Variants in KLF13 observed in about 807,000 individuals in gnomAD.
The protein encoded by KLF13 is Krueppel-like factor 13.
A neutral mutation model predicts 16.7 loss-of-function variants in KLF13; 8 were observed. That is an observed-to-expected ratio of 0.48 (90% CI 0.28 to 0.87). The LOEUF (loss-of-function observed/expected upper bound fraction) is 0.87, where lower values mean the gene tolerates loss of function less well. KLF13 is among the 40% of genes least tolerant of loss of function. KLF13 has a pLI of 0.10. For missense variants in KLF13, 447 were observed against 452.2 expected (o/e 0.99, Z 0.10); for synonymous variants, 245 against 208.4 (o/e 1.18, Z -1.51).
chr15:31,342,829 C>T (rs2039050102), intron 1 of KLF13, among the ~76,000 whole-genome samples: 1 of 152,212 alleles, frequency 6.6e-6, no homozygotes, highest in Non-Finnish European at 1.5e-5. Flanking sequence ...TGGGCCTTCG[C>T]ACCCCTTTCC....
At chr15:31,402,571 C>T (rs2040052788) in intron 2 of KLF13, among the ~76,000 whole-genome samples, 1 of 152,246 alleles carries the variant, frequency 6.6e-6, no homozygotes, top group African/African-American at 2.4e-5. Context: ...GTCTCGTGCT[C>T]AGGTCCGACC....
chr15:31,327,142 C>T lies in KLF13; in HGVS notation c.-71C>T, dbSNP rs1177979534. ...CGCCCCCGCCCCCCGCCCGCTCTCC[C>T]GAGGCCGTGGGTGCGGATGCGCGGC... On this transcript the variant is annotated 5_prime_UTR_variant, in exon 1 of 2. Coordinates refer to ENST00000307145, the MANE Select transcript of KLF13 (RefSeq NM_015995.4). The T allele has an allele frequency of 3.3e-6, 4 of 1,228,746 alleles. No homozygotes were observed. Among genetic ancestry groups the T allele is most frequent in the Middle Eastern group, 3.3e-4 (1 of 3,022 alleles). The allele number at this position is 1,228,746 out of a possible 1,614,324, so 76.1% of individuals were successfully genotyped here. A position where few individuals can be genotyped will look rare whatever the true frequency, so the allele number is the denominator to read the frequency against.
intron 1 of KLF13, among the ~76,000 whole-genome samples, chr15:31,427,187 A>T (rs1445063374): frequency 6.6e-6 from 1 of 152,070 alleles, no homozygotes; most frequent in Non-Finnish European, 1.5e-5. Flanking sequence ...TCCCCCATCT[A>T]TCTATTATCC....
At chr15:31,356,100 CG>C (rs1876205766) in intron 1 of KLF13, among the ~76,000 whole-genome samples, 1 of 152,084 alleles carries the variant, frequency 6.6e-6, no homozygotes, top group Admixed American at 6.5e-5. Flanking sequence ...TTGCATGTCA[CG>C]GGGTTTGATG....
In KLF13 at chr15:31,373,124, C is replaced by G. The variant is rs913852494; in HGVS notation, c.*825C>G. On this transcript the variant is annotated 3_prime_UTR_variant, in exon 2 of 2. Transcript: ENST00000307145. ...AGGACTCCGCTTCTCCGTGTCCCAG[C>G]AGAAGGCATGCAGGACCCTGTCACT... 2 of 152,316 alleles carry G rather than the reference C, an allele frequency of 1.3e-5. No homozygotes were observed. The highest frequency in any genetic ancestry group is 2.9e-5 in the Non-Finnish European group (2 of 68,072). 9.4% of individuals were successfully genotyped at this position (152,316 alleles called of 1,614,324 possible).
intron 2 of KLF13, among the ~76,000 whole-genome samples, chr15:31,397,401 C>G (rs564491432): frequency 5.3e-5 from 8 of 152,244 alleles, no homozygotes; most frequent in Non-Finnish European, 1.2e-4. Context: ...ATTCTCAGGC[C>G]TGGGGCGGTG....
upstream of KLF13, among the ~76,000 whole-genome samples, chr15:31,388,331 G>A (rs1008132406): frequency 1.3e-5 from 2 of 152,142 alleles, no homozygotes; most frequent in Admixed American, 6.5e-5. Context: ...AAACAGAAAG[G>A]CTGGGTGTGG....
intron 1 of KLF13, among the ~76,000 whole-genome samples, chr15:31,344,843 C>T (rs1013886146): frequency 2.0e-5 from 3 of 152,094 alleles, no homozygotes; most frequent in Admixed American, 6.5e-5. Context: ...TGAGGCTGTG[C>T]GGGATCCTCC....
chr15:31,433,525 T>A lies in KLF13; in HGVS notation n.118-1845T>A, dbSNP rs536715021. Among the ~76,000 whole-genome samples the A allele has an allele frequency of 5.9e-5, 9 of 152,252 alleles. 1 individual carries two copies. The South Asian group carries it at 1.7e-3, about 28-fold the overall frequency. ...GGGTCCCCCCCTTCCCCAGTCCCTG[T>A]GTGCTCTGCACCCTGTACATGCGAT... On this transcript the variant is annotated intron_variant and non_coding_transcript_variant, in intron 1 of 1. Coordinates refer to the KLF13 transcript ENST00000558225.
intron 1 of KLF13, among the ~76,000 whole-genome samples, chr15:31,350,840 T>G (rs544745490): frequency 9.8e-4 from 149 of 152,362 alleles, no homozygotes; most frequent in African/African-American, 3.2e-3. Flanking sequence ...CAGGCCAGAA[T>G]GCAGGCCTGG....
intron 1 of KLF13, among the ~76,000 whole-genome samples, chr15:31,360,374 C>T (rs1474107281): frequency 6.6e-6 from 1 of 152,216 alleles, no homozygotes; most frequent in East Asian, 1.9e-4. Flanking sequence ...GGCTCTGTTT[C>T]AGGCCCTCTC....
chr15:31,379,910 C>CT (rs1347696782), downstream of KLF13, among the ~76,000 whole-genome samples: 1 of 152,140 alleles, frequency 6.6e-6, no homozygotes, highest in Non-Finnish European at 1.5e-5. Context: ...TGCATAGTGA[C>CT]CCAGGTGAGG....
intron 1 of KLF13, among the ~76,000 whole-genome samples, chr15:31,432,821 T>G (rs2040489645): frequency 6.6e-6 from 1 of 152,074 alleles, no homozygotes; most frequent in South Asian, 2.1e-4. Context: ...TGTATTATTA[T>G]AAATAATCTT....
chr15:31,404,694 T>C (rs1212199295), exon 3 of KLF13: 2 of 152,314 alleles, frequency 1.3e-5, no homozygotes, highest in African/African-American at 4.8e-5. Context: ...GGTGTATTTG[T>C]TATTTTGCTC....
downstream of KLF13, among the ~76,000 whole-genome samples, chr15:31,379,323 T>C (rs755724192): frequency 3.3e-5 from 5 of 152,196 alleles, no homozygotes; most frequent in Non-Finnish European, 5.9e-5. Flanking sequence ...GGACAGCCAC[T>C]GCTCCGCCTT....
chr15:31,418,335 G>C (rs1218085206), intron 1 of KLF13, among the ~76,000 whole-genome samples: 1 of 152,068 alleles, frequency 6.6e-6, no homozygotes, highest in Non-Finnish European at 1.5e-5. Context: ...CAGAGAAAAA[G>C]TATATTAAAT....
chr15:31,372,343 C>G lies in KLF13; in HGVS notation c.*44C>G, dbSNP rs1168287078. On this transcript the variant is annotated 3_prime_UTR_variant, in exon 2 of 2. Coordinates refer to ENST00000307145, the MANE Select transcript of KLF13 (RefSeq NM_015995.4). ...CAGCCGCTCCCACCCCCTCGTGAGT[C>G]CCTGGCCTTTCCTTTTGTAATAAGA... 1 of 1,407,000 alleles carries G rather than the reference C, an allele frequency of 7.1e-7. No homozygotes were observed. Among genetic ancestry groups the G allele is most frequent in the African/African-American group, 1.5e-5 (1 of 67,680 alleles). The allele number at this position is 1,407,000 out of a possible 1,614,324, so 87.2% of individuals were successfully genotyped here. A position where few individuals can be genotyped will look rare whatever the true frequency, so the allele number is the denominator to read the frequency against.
chr15:31,330,753 T>C (rs2038814727), intron 1 of KLF13, among the ~76,000 whole-genome samples: 2 of 152,232 alleles, frequency 1.3e-5, no homozygotes, highest in Non-Finnish European at 2.9e-5. Flanking sequence ...TAGGTAATTG[T>C]TGATATTATA....
At chr15:31,346,184 G>T (rs1045399095) in intron 1 of KLF13, among the ~76,000 whole-genome samples, 1 of 151,898 alleles carries the variant, frequency 6.6e-6, no homozygotes, top group Non-Finnish European at 1.5e-5. Context: ...TCTGTTTCTG[G>T]GAAGATTACC....
Sources: allele counts gnomAD v4.1 joint callset (sites outside exome capture counted in the v4.1 genomes callset), GRCh38; gene constraint gnomAD v4.1.1; transcripts MANE v1.5; gene names NCBI Gene and HGNC (gene_info 2026-07-23, HGNC 2026-07-21).